Variants in PEX14 observed in about 807,000 individuals in gnomAD.
PEX14 encodes peroxisomal biogenesis factor 14, also known as peroxisomal membrane protein PEX14.
In PEX14, 15 loss-of-function variants were observed where a neutral mutation model predicts 49.5. That is an observed-to-expected ratio of 0.30 (90% CI 0.20 to 0.47). The LOEUF is 0.47. PEX14 is among the 20% of genes least tolerant of loss of function. The pLI, the probability that PEX14 is intolerant of heterozygous loss-of-function variation, is 1.00. For synonymous variants in PEX14, 210 were observed against 212.7 expected (o/e 0.99, Z 0.11); for missense variants, 398 against 494.8 (o/e 0.80, Z 1.86).
chr1:10,616,531 A>G (rs924805848), intron 4 of PEX14, among the ~76,000 whole-genome samples: 3 of 152,076 alleles, frequency 2.0e-5, no homozygotes, highest in African/African-American at 7.2e-5. Flanking sequence ...CCTTCCGGAT[A>G]GCTCTCCACT....
At chr1:10,554,692 A>G (rs1331805979) in intron 3 of PEX14, among the ~76,000 whole-genome samples, 1 of 151,706 alleles carries the variant, frequency 6.6e-6, no homozygotes, top group African/African-American at 2.4e-5. Context: ...CACAGCTTTG[A>G]AAGCATATAG....
rs778353747 is a variant in PEX14, at chr1:10,495,932, T to C, written c.84+611T>C. Among the ~76,000 whole-genome samples the C allele has an allele frequency of 6.6e-6, 1 of 152,188 alleles. No homozygotes were observed. The highest frequency in any genetic ancestry group is 1.5e-5 in the Non-Finnish European group (1 of 68,032). On this transcript the variant is annotated intron_variant, in intron 2 of 8. Coordinates refer to ENST00000356607, the MANE Select transcript of PEX14 (RefSeq NM_004565.3). This position sits in a 1 kb window ranked among gnomAD's most constrained non-coding sequence, Gnocchi z 4.2. ...TTTCAGGGCCTGCTGTAAGTCCTCT[T>C]GGCTGGGTAGTAAGACTGGCTCTGT...
At chr1:10,573,989 C>T (rs1195603628) in intron 3 of PEX14, among the ~76,000 whole-genome samples, 1 of 152,150 alleles carries the variant, frequency 6.6e-6, no homozygotes, top group African/African-American at 2.4e-5. Flanking sequence ...TAATTCCCTG[C>T]TACTCCGGAG....
rs1286874061 is a variant in PEX14 at position 10,599,283 on chromosome 1, C to G, written c.215C>G (p.Thr72Ser). The change falls in exon 4 of 9, where the codon ACT becomes AGT. Residue 72 changes from threonine (T) to serine (S), a missense_variant. Physicochemically the swap from Thr to Ser is moderately conservative, Grantham distance 58. Around this residue, in one of 3 missense-constraint regions of PEX14, gnomAD observed 202 missense variants for 298.5 expected, o/e 0.68. Coordinates refer to ENST00000356607, the MANE Select transcript of PEX14 (RefSeq NM_004565.3). ...EIDMAFQQSG[T>S]AADEPSSLGP... is the part of the protein sequence containing the mutation. ...GATATGGCCTTCCAGCAGTCGGGCA[C>G]TGCTGCCGATGAGCCTTCGTCCTTG... 6.2e-7 allele frequency: 1 copy of G among 1,614,134 alleles called. No homozygotes were observed. The highest frequency in any genetic ancestry group is 2.2e-5 in the East Asian group (1 of 44,888).
chr1:10,474,960 C>T lies in PEX14; in HGVS notation c.-7C>T, dbSNP rs774075581. ...CAGCGGCGGTTGATTAGTCAGGCCTCAGAAAGATGGCGTCCTCGGAGCAGG... is the reference window on the plus strand; with the variant it reads ...CAGCGGCGGTTGATTAGTCAGGCCTTAGAAAGATGGCGTCCTCGGAGCAGG... On this transcript the variant is annotated 5_prime_UTR_variant, in exon 1 of 9. Transcript: ENST00000356607. 100 of 1,607,466 alleles carry T rather than the reference C, an allele frequency of 6.2e-5. No homozygotes were observed. The South Asian group carries it at 6.9e-4, about 11-fold the overall frequency.
At chr1:10,544,324 C>T (rs1222772595) in intron 3 of PEX14, among the ~76,000 whole-genome samples, 1 of 152,160 alleles carries the variant, frequency 6.6e-6, no homozygotes, top group Non-Finnish European at 1.5e-5. Context: ...CTAAGTTGAG[C>T]TAATACATGG....
chr1:10,505,821 C>T (rs1641772646), intron 2 of PEX14, among the ~76,000 whole-genome samples: 1 of 151,992 alleles, frequency 6.6e-6, no homozygotes, highest in Non-Finnish European at 1.5e-5. Context: ...GCTGGGATCA[C>T]AGGTGTGTGC....
intron 3 of PEX14, among the ~76,000 whole-genome samples, chr1:10,580,517 A>G (rs1640284436): frequency 6.6e-6 from 1 of 152,006 alleles, no homozygotes; most frequent in Non-Finnish European, 1.5e-5. Flanking sequence ...GAGCCACTGC[A>G]CCCAAACAGG....
chr1:10,491,926 G>A (rs1443983272), intron 1 of PEX14, among the ~76,000 whole-genome samples: 2 of 151,936 alleles, frequency 1.3e-5, no homozygotes, highest in Non-Finnish European at 2.9e-5. Flanking sequence ...CAAGTGATTC[G>A]CTCACCTTGG....
intron 3 of PEX14, among the ~76,000 whole-genome samples, chr1:10,551,299 A>G (rs933410507): frequency 2.6e-5 from 4 of 152,208 alleles, no homozygotes; most frequent in African/African-American, 7.2e-5. Flanking sequence ...CTTGCTGTCC[A>G]TGTGGAAATG....
At chr1:10,568,887 A>C (rs1266616260) in intron 3 of PEX14, among the ~76,000 whole-genome samples, 2 of 151,906 alleles carry the variant, frequency 1.3e-5, no homozygotes, top group African/African-American at 4.8e-5. Flanking sequence ...TTACAGATGC[A>C]CGTCACCACA....
intron 3 of PEX14, among the ~76,000 whole-genome samples, chr1:10,586,667 T>A (rs944672407): frequency 8.5e-6 from 1 of 117,458 alleles, no homozygotes; most frequent in Admixed American, 1.2e-4. Flanking sequence ...TGAGACGGAG[T>A]CTCGCTCTGT....
At chr1:10,504,746 T>TTTTC (rs1352153560) in intron 2 of PEX14, among the ~76,000 whole-genome samples, 3 of 151,882 alleles carry the variant, frequency 2.0e-5, no homozygotes, top group Non-Finnish European at 4.4e-5. Flanking sequence ...CCTTTCTTTA[T>TTTTC]TTTCTTTCTT....
intron 3 of PEX14, among the ~76,000 whole-genome samples, chr1:10,586,233 C>T (rs573127758): frequency 2.0e-5 from 3 of 152,140 alleles, no homozygotes; most frequent in East Asian, 3.8e-4. Flanking sequence ...CAGTCTCGGT[C>T]GTTGTCAGAG....
chr1:10,546,302 A>T (rs1224618167), intron 3 of PEX14, among the ~76,000 whole-genome samples: 1 of 152,150 alleles, frequency 6.6e-6, no homozygotes, highest in Non-Finnish European at 1.5e-5. Context: ...GCAGTGGCTC[A>T]AGCCTGTAAT....
chr1:10,555,595 T>G (rs1639461707), intron 3 of PEX14, among the ~76,000 whole-genome samples: 1 of 151,888 alleles, frequency 6.6e-6, no homozygotes, highest in Non-Finnish European at 1.5e-5. Flanking sequence ...AAGAGAATAG[T>G]TAAATAATTT....
chr1:10,623,189 C>G lies in PEX14; in HGVS notation c.487+68C>G, dbSNP rs962337864. On this transcript the variant is annotated intron_variant, in intron 6 of 8. Coordinates refer to ENST00000356607, the MANE Select transcript of PEX14 (RefSeq NM_004565.3). The surrounding 1 kb of genome is among the most constrained non-coding windows in gnomAD (Gnocchi z 4.4). ...TCCAAGCAGCCCCTTCTCTGCCCCT[C>G]CCCTCTCCCTCTGTCTCCACTCTAT... The G allele has an allele frequency of 4.2e-6, 4 of 953,950 alleles. No individual in the cohort carries two copies. Among genetic ancestry groups the G allele is most frequent in the African/African-American group, 1.6e-5 (1 of 62,394 alleles). The allele number at this position is 953,950 out of a possible 1,614,324, so 59.1% of individuals were successfully genotyped here.
At chr1:10,498,301 A>C (rs1329527493) in intron 2 of PEX14, among the ~76,000 whole-genome samples, 1 of 148,470 alleles carries the variant, frequency 6.7e-6, no homozygotes, top group East Asian at 1.9e-4. Flanking sequence ...AAAACAAAAC[A>C]AAACAAAACA....
chr1:10,503,816 C>G (rs1191630383), intron 2 of PEX14, among the ~76,000 whole-genome samples: 1 of 152,062 alleles, frequency 6.6e-6, no homozygotes, highest in East Asian at 1.9e-4. Context: ...TCACTGCAAC[C>G]TCTGCCTTGG....
Sources: allele counts gnomAD v4.1 joint callset (sites outside exome capture counted in the v4.1 genomes callset), GRCh38; gene constraint gnomAD v4.1.1; regional missense constraint gnomAD v4.1.1; non-coding constraint Gnocchi (gnomAD v3.1); transcripts MANE v1.5; gene names NCBI Gene and HGNC (gene_info 2026-07-23, HGNC 2026-07-21).